PPP6R3: variants seen among roughly 807,000 people sequenced by gnomAD.
PPP6R3 encodes protein phosphatase 6 regulatory subunit 3, also known as serine/threonine-protein phosphatase 6 regulatory subunit 3.
A neutral mutation model predicts 110.7 loss-of-function variants in PPP6R3; 38 were observed. The ratio of observed to expected loss-of-function variants is 0.34; its 90% CI spans 0.26 to 0.45. The LOEUF is 0.45. Among genes scored for constraint, PPP6R3 ranks in the 20% least tolerant of loss-of-function variants. The pLI is 1.00. For missense variants in PPP6R3, 870 were observed against 1,062.4 expected (o/e 0.82, Z 2.52); for synonymous variants, 369 against 373.5 (o/e 0.99, Z 0.14).
In PPP6R3 at chr11:68,543,546, G is replaced by A. The variant is rs77057686; in HGVS notation, c.228-1292G>A. On this transcript the variant is annotated intron_variant, in intron 3 of 23. Coordinates refer to ENST00000393800, the MANE Select transcript of PPP6R3 (RefSeq NM_001164161.2). ...CGTCACCAGTGGTCTTTTTGTGCCA[G>A]GGTCTTGCTGCAGGCAGCACTTGCT... is the stretch of plus-strand genomic sequence containing the variant. 7.9e-3 allele frequency among the ~76,000 whole-genome samples: 1,206 copies of A among 152,332 alleles called. 16 individuals carry two copies. Among genetic ancestry groups the A allele is most frequent in the African/African-American group, 0.028 (1,160 of 41,568 alleles).
chr11:68,587,011 CTG>C (rs1273560490), intron 15 of PPP6R3: 1 of 152,260 alleles, frequency 6.6e-6, no homozygotes, highest in Admixed American at 6.5e-5. Context: ...GCTCTGGTCA[CTG>C]TATTTATTGT....
intron 1 of PPP6R3, among the ~76,000 whole-genome samples, chr11:68,511,780 C>CGT (rs143019841): frequency 0.22 from 28,216 of 126,338 alleles, 3,018 homozygotes; most frequent in East Asian, 0.33. Context: ...TGCGCCCAGC[C>CGT]GTGTGTGTGT....
At chr11:68,469,455 G>C (rs1450254477) in intron 1 of PPP6R3, among the ~76,000 whole-genome samples, 2 of 151,996 alleles carry the variant, frequency 1.3e-5, no homozygotes, top group Non-Finnish European at 2.9e-5. Context: ...CTGCAGCCTT[G>C]ACTGACCTCC....
At chr11:68,523,022 A>G (rs2099171348) in intron 2 of PPP6R3, among the ~76,000 whole-genome samples, 1 of 152,238 alleles carries the variant, frequency 6.6e-6, no homozygotes. Flanking sequence ...ATTTGCCTAT[A>G]TGTAGCTGTT....
intron 2 of PPP6R3, among the ~76,000 whole-genome samples, chr11:68,532,244 G>A (rs2099245084): frequency 1.3e-5 from 2 of 152,124 alleles, no homozygotes; most frequent in South Asian, 4.2e-4. Context: ...GTTGATCTTC[G>A]ATGAATAGAT....
At chr11:68,550,930 C>T in intron 5 of PPP6R3, 191 bp from the exon 6 acceptor site, 2 of 522,876 alleles carry the variant, frequency 3.8e-6, no homozygotes, top group Non-Finnish European at 6.7e-6. Context: ...GTACTGTTGG[C>T]CATTGTTAAA....
chr11:68,567,528 C>T (rs1225241517), intron 10 of PPP6R3, among the ~76,000 whole-genome samples: 1 of 152,178 alleles, frequency 6.6e-6, no homozygotes, highest in East Asian at 1.9e-4. Flanking sequence ...TGGGAGGTAT[C>T]TGTATAACGT....
rs1213872123 is a variant in PPP6R3, at chr11:68,460,769, T to G, written c.-216T>G. ...GCCATTTTGGGCGCTTCGCTGATGG[T>G]GTCGGTGAGCGCGTTTCCCGCCTGA... On this transcript the variant is annotated 5_prime_UTR_variant, in exon 1 of 24. Transcript: ENST00000393800. 6.6e-6 allele frequency: 1 copy of G among 151,676 alleles called. No individual in the cohort carries two copies. Among genetic ancestry groups the G allele is most frequent in the Non-Finnish European group, 1.5e-5 (1 of 68,000 alleles). 9.4% of individuals were successfully genotyped at this position (151,676 alleles called of 1,614,324 possible).
intron 2 of PPP6R3, among the ~76,000 whole-genome samples, chr11:68,535,951 A>G (rs183635841): frequency 2.0e-5 from 3 of 152,198 alleles, no homozygotes; most frequent in Admixed American, 2.0e-4. Context: ...TGGGTGACAG[A>G]GCAAGACTCT....
At chr11:68,500,178 T>G (rs1019534275) in intron 1 of PPP6R3, among the ~76,000 whole-genome samples, 5 of 152,246 alleles carry the variant, frequency 3.3e-5, no homozygotes, top group Non-Finnish European at 7.3e-5. Flanking sequence ...ACACATTTGC[T>G]TGATATTATT....
chr11:68,485,782 C>T (rs968364968), intron 1 of PPP6R3, among the ~76,000 whole-genome samples: 50 of 152,114 alleles, frequency 3.3e-4, no homozygotes, highest in Non-Finnish European at 1.0e-4. Flanking sequence ...GCAGCCTTGG[C>T]CTCCTGGGCT....
chr11:68,463,447 C>T (rs943173571), intron 1 of PPP6R3, among the ~76,000 whole-genome samples: 1 of 150,444 alleles, frequency 6.6e-6, no homozygotes, highest in Non-Finnish European at 1.5e-5. Context: ...AAACAAGTGT[C>T]ACGATCGGTA....
At position 68,609,976 on chromosome 11, in the gene PPP6R3, G is replaced by A. The variant is rs774348173; in HGVS notation, c.2523G>A (p.Glu841=). 6.2e-7 allele frequency: 1 copy of A among 1,614,154 alleles called. No homozygotes were observed. The highest frequency in any genetic ancestry group is 8.5e-7 in the Non-Finnish European group (1 of 1,180,032). The change falls in exon 23 of 24, where the codon GAG becomes GAA. Residue 841 remains glutamate, a synonymous_variant. Coordinates refer to ENST00000393800, the MANE Select transcript of PPP6R3 (RefSeq NM_001164161.2). ...KDAEECPETA[E]AKCAAPRPPS... ...CAGAGGAGTGTCCCGAGACTGCAGA[G>A]GCGAAGTGCGCGGCGCCCAGGCCTC...
chr11:68,529,391 G>T (rs982858243), intron 2 of PPP6R3, among the ~76,000 whole-genome samples: 2 of 152,110 alleles, frequency 1.3e-5, no homozygotes, highest in African/African-American at 4.8e-5. Flanking sequence ...GCTAATTTTT[G>T]TATTTTTAGT....
At chr11:68,487,535 A>T (rs942043789) in intron 1 of PPP6R3, among the ~76,000 whole-genome samples, 1 of 151,538 alleles carries the variant, frequency 6.6e-6, no homozygotes, top group Non-Finnish European at 1.5e-5. Flanking sequence ...GCACCACTGC[A>T]CTCCAGCCTG....
At chr11:68,530,195 G>A (rs1267432551) in intron 2 of PPP6R3, among the ~76,000 whole-genome samples, 1 of 152,060 alleles carries the variant, frequency 6.6e-6, no homozygotes, top group East Asian at 1.9e-4. Flanking sequence ...TCTGTTAGAC[G>A]GGTCTGACTT....
At chr11:68,493,866 G>A (rs1443719630) in intron 1 of PPP6R3, among the ~76,000 whole-genome samples, 1 of 151,278 alleles carries the variant, frequency 6.6e-6, no homozygotes, top group Non-Finnish European at 1.5e-5. Context: ...ACTTTGGGAG[G>A]CTGAGGCGGG....
At chr11:68,528,938 A>T (rs1246907382) in intron 2 of PPP6R3, among the ~76,000 whole-genome samples, 1 of 152,180 alleles carries the variant, frequency 6.6e-6, no homozygotes, top group Non-Finnish European at 1.5e-5. Context: ...GCCTTGCCTC[A>T]GCTTGGTGGT....
chr11:68,609,717 T>C, intron 22 of PPP6R3, 187 bp from the exon 23 acceptor site: 1 of 1,567,780 alleles, frequency 6.4e-7, no homozygotes, highest in East Asian at 2.2e-5. Context: ...TGCGACCCTT[T>C]CCTTTTGTGA....
Sources: gnomAD v4.1 joint callset for allele counts (sites outside exome capture counted in the v4.1 genomes callset) on GRCh38, gnomAD v4.1.1 for gene constraint, MANE v1.5 for transcripts, NCBI Gene and HGNC (gene_info 2026-07-23, HGNC 2026-07-21) for gene names.